CHD8: variants seen among roughly 807,000 people sequenced by gnomAD.
CHD8 encodes ATP-dependent chromatin remodeler CHD8.
Under a neutral mutation model 279.2 loss-of-function variants are expected in CHD8, and 31 were observed. That is an observed-to-expected ratio of 0.11 (90% CI 0.08 to 0.15). The LOEUF (loss-of-function observed/expected upper bound fraction) is 0.15, where lower values mean the gene tolerates loss of function less well. Ranked by LOEUF, CHD8 falls within the 10% of genes least tolerant of loss-of-function variation. The probability of loss-of-function intolerance (pLI) is 1.00; values close to 1 mark genes in which losing one functional copy is unlikely to be tolerated. For missense variants in CHD8, 2,146 were observed against 3,230.5 expected (o/e 0.66, Z 8.14); for synonymous variants, 1,081 against 1,139.6 (o/e 0.95, Z 1.04).
Position 21,385,863 on chromosome 14 carries a change from GGGTGGTGGT to G in CHD8, c.7487_7495del (p.His2496_His2498del). The stretch of plus-strand genomic sequence containing the variant: ...GTGATGGTGGTGATGGTGGGGGTGG[GGGTGGTGGT>G]GGTGGTGATGAAGCATGGTGCTGGA... On this transcript the variant is annotated inframe_deletion, in exon 38 of 38. Transcript: ENST00000646647. The G allele has an allele frequency of 6.5e-7, 1 of 1,542,532 alleles. No homozygotes were observed. The highest frequency in any genetic ancestry group is 8.8e-7 in the Non-Finnish European group (1 of 1,140,554).
chr14:21,402,613 A>G lies in CHD8; in HGVS notation c.3715-110T>C. 2.8e-6 allele frequency: 3 copies of G among 1,055,558 alleles called. No homozygotes were observed. Among genetic ancestry groups the G allele is most frequent in the Non-Finnish European group, 4.0e-6 (3 of 749,590 alleles). The allele number at this position is 1,055,558 out of a possible 1,614,324, so 65.4% of individuals were successfully genotyped here. On this transcript the variant is annotated intron_variant, in intron 18 of 37. Transcript: ENST00000646647. This position sits in a 1 kb window ranked among gnomAD's most constrained non-coding sequence, Gnocchi z 4.5. ...CTTTCACCTCTATAGAGCAGCCATG[A>G]GATCAACTCAAAACCAAGAGTCAAT...
At chr14:21,414,243 AC>A in intron 9 of CHD8, 57 bp downstream of exon 9, 1 of 867,864 alleles carries the variant, frequency 1.2e-6, no homozygotes, top group South Asian at 1.4e-5. Flanking sequence ...AAGGCTGACA[AC>A]CCCAGTAATT....
intron 2 of CHD8, chr14:21,429,555 T>TC: frequency 1.5e-6 from 1 of 673,116 alleles, no homozygotes; most frequent in East Asian, 2.8e-5. Flanking sequence ...CAGTGGCTAT[T>TC]CACAGGCACA....
intron 5 of CHD8, among the ~76,000 whole-genome samples, chr14:21,422,729 G>A (rs772413424): frequency 6.6e-6 from 1 of 151,746 alleles, no homozygotes; most frequent in African/African-American, 2.4e-5. Flanking sequence ...GGAGTTGAAC[G>A]CCAGCCTGAC....
chr14:21,385,616 G>C lies in CHD8; in HGVS notation c.7743C>G (p.Asp2581Glu), dbSNP rs543520395. 1 of 1,550,620 alleles carries C rather than the reference G, an allele frequency of 6.4e-7. No individual in the cohort carries two copies. The highest frequency in any genetic ancestry group is 2.4e-5 in the East Asian group (1 of 40,910). ...ANSDSSEDAD[D>E] ...CAATGGGGCCCATGCTGGGGCTTCA[G>C]TCATCAGCATCTTCACTGGAGTCTG... Residue 2581 changes from aspartate (D) to glutamate (E), a missense_variant, in exon 38 of 38, where the codon GAC becomes GAG. By Grantham distance (45) the Asp-to-Glu change is conservative. Coordinates refer to ENST00000646647, the MANE Select transcript of CHD8 (RefSeq NM_001170629.2).
At chr14:21,386,441 C>G in intron 37 of CHD8, 2 of 522,208 alleles carry the variant, frequency 3.8e-6, no homozygotes, top group Non-Finnish European at 6.9e-6. Flanking sequence ...TTCTTTTCCC[C>G]ATGACTATAT....
At chr14:21,395,734 A>G in intron 28 of CHD8, 83 bp downstream of exon 28, 3 of 815,350 alleles carry the variant, frequency 3.7e-6, no homozygotes, top group Non-Finnish European at 2.1e-6. Context: ...ATTAACCAAT[A>G]TATTTCAAGA....
rs1309797313 is a variant in CHD8 at position 21,400,364 on chromosome 14, G to T, written c.4570+49C>A. Reference sequence around the variant, plus strand: ...TGAGAAAAACCCTTGGACCTGAAAAGGATTAGATTAACCTATAGAAAAACA... The same window carrying T: ...TGAGAAAAACCCTTGGACCTGAAAATGATTAGATTAACCTATAGAAAAACA... On this transcript the variant is annotated intron_variant, in intron 23 of 37. Transcript: ENST00000646647. This position sits in a 1 kb window ranked among gnomAD's most constrained non-coding sequence, Gnocchi z 4.2. The T allele has an allele frequency of 6.2e-7, 1 of 1,606,770 alleles. No homozygotes were observed. The highest frequency in any genetic ancestry group is 1.7e-5 in the Admixed American group (1 of 58,078).
chr14:21,411,363 C>G (rs953689821), intron 10 of CHD8, among the ~76,000 whole-genome samples: 1 of 152,102 alleles, frequency 6.6e-6, no homozygotes, highest in Non-Finnish European at 1.5e-5. Context: ...TCTACCGTGT[C>G]CTGGATATCT....
At chr14:21,455,705 AGAG>A (rs1381269038) in intron 1 of CHD8, among the ~76,000 whole-genome samples, 2 of 146,356 alleles carry the variant, frequency 1.4e-5, no homozygotes, top group East Asian at 2.1e-4. Flanking sequence ...TTCTCTGAAG[AGAG>A]GAGAACAAGG....
Position 21,407,028 on chromosome 14 carries a change from C to T in CHD8, c.2735G>A (p.Arg912His). ...YEMYCKDSRG[R>H]LIPGAYKFDA... Reference sequence around the variant, plus strand: ...AAACTTGTATGCGCCTGGGATGAGGCGTCCCTAAGCATGAAGGCAGTAAAG... The same window carrying T: ...AAACTTGTATGCGCCTGGGATGAGGTGTCCCTAAGCATGAAGGCAGTAAAG... Residue 912 changes from arginine (R) to histidine (H), a missense_variant, in exon 14 of 38, where the codon CGC becomes CAC. Transcript: ENST00000646647. 6 of 1,573,856 alleles carry T rather than the reference C, an allele frequency of 3.8e-6. No individual in the cohort carries two copies. Among genetic ancestry groups the T allele is most frequent in the Non-Finnish European group, 4.3e-6 (5 of 1,159,842 alleles).
chr14:21,429,424 C>A, intron 2 of CHD8, 89 bp from the exon 3 acceptor site: 1 of 1,312,870 alleles, frequency 7.6e-7, no homozygotes, highest in South Asian at 1.2e-5. Context: ...ATGCTAGAAT[C>A]ATAAAAACTA....
chr14:21,427,694 T>C, intron 4 of CHD8, 175 bp downstream of exon 4: 1 of 1,504,924 alleles, frequency 6.6e-7, no homozygotes, highest in Non-Finnish European at 8.9e-7. Context: ...TCACTTGAGC[T>C]TACTCTTGCA....
rs1411194357 is a variant in CHD8 at position 21,403,322 on chromosome 14, C to T, written c.3519-110G>A. On this transcript the variant is annotated intron_variant, in intron 17 of 37. Coordinates refer to ENST00000646647, the MANE Select transcript of CHD8 (RefSeq NM_001170629.2). The surrounding 1 kb of genome is among the most constrained non-coding windows in gnomAD (Gnocchi z 4.3). Reference sequence around the variant, plus strand: ...CCCATATCAAAGCTGGTCAAAAACCCAAGTTGAGAGTGAGAATCTTAAAAA... The same window carrying T: ...CCCATATCAAAGCTGGTCAAAAACCTAAGTTGAGAGTGAGAATCTTAAAAA... 1 of 1,302,140 alleles carries T rather than the reference C, an allele frequency of 7.7e-7. No homozygotes were observed. The highest frequency in any genetic ancestry group is 1.4e-5 in the South Asian group (1 of 71,874). The allele number at this position is 1,302,140 out of a possible 1,614,324, so 80.7% of individuals were successfully genotyped here. A position where few individuals can be genotyped will look rare whatever the true frequency, so the allele number is the denominator to read the frequency against.
rs1888340370 is a variant in CHD8, at chr14:21,408,372, A to G, written c.2670T>C (p.His890=). The change falls in exon 13 of 38, where the codon CAT becomes CAC. Residue 890 remains histidine, a synonymous_variant. Coordinates refer to ENST00000646647, the MANE Select transcript of CHD8 (RefSeq NM_001170629.2). The surrounding 1 kb of genome is among the most constrained non-coding windows in gnomAD (Gnocchi z 4.3). ...TCATCTGCCTGCTGGCCAGACTGCCATGGTACACAATAGTGTTCATTTCTG... is the reference window on the plus strand; with the variant it reads ...TCATCTGCCTGCTGGCCAGACTGCCGTGGTACACAATAGTGTTCATTTCTG... The part of the protein sequence containing the change: ...TWTEMNTIVY[H]GSLASRQMIQ... The G allele has an allele frequency of 1.9e-6, 3 of 1,613,890 alleles. No individual in the cohort carries two copies. Among genetic ancestry groups the G allele is most frequent in the Admixed American group, 1.7e-5 (1 of 60,006 alleles).
intron 1 of CHD8, among the ~76,000 whole-genome samples, chr14:21,443,308 G>A (rs1429214512): frequency 1.3e-5 from 2 of 152,060 alleles, no homozygotes; most frequent in East Asian, 1.9e-4. Context: ...GGAGAATGGC[G>A]TGAACCCGGG....
chr14:21,429,696 G>T, intron 2 of CHD8: 1 of 370,574 alleles, frequency 2.7e-6, no homozygotes. Flanking sequence ...ACTTAGTGCA[G>T]ACACCTGATT....
At chr14:21,417,521 G>T (rs1888778336) in intron 5 of CHD8, among the ~76,000 whole-genome samples, 2 of 152,088 alleles carry the variant, frequency 1.3e-5, no homozygotes, top group Non-Finnish European at 2.9e-5. Flanking sequence ...TTCAAGACCA[G>T]CCTGGGCAAC....
chr14:21,386,482 A>G (rs959403416), intron 37 of CHD8: 4 of 396,936 alleles, frequency 1.0e-5, no homozygotes, highest in Non-Finnish European at 1.8e-5. Flanking sequence ...CCATTTCACA[A>G]ATGCTTACCT....
Sources: gnomAD v4.1 joint callset for allele counts (sites outside exome capture counted in the v4.1 genomes callset) on GRCh38, gnomAD v4.1.1 for gene constraint, Gnocchi (gnomAD v3.1) non-coding constraint, MANE v1.5 for transcripts, NCBI Gene and HGNC (gene_info 2026-07-23, HGNC 2026-07-21) for gene names.